TLK1: variants seen among roughly 807,000 people sequenced by gnomAD.
The protein encoded by TLK1 is tousled like kinase 1.
Under a neutral mutation model 105.3 loss-of-function variants are expected in TLK1, and 24 were observed. The ratio of observed to expected loss-of-function variants is 0.23; its 90% CI spans 0.17 to 0.32. The LOEUF is 0.32. Ranked by LOEUF, TLK1 falls within the 10% of genes least tolerant of loss-of-function variation. The pLI is 1.00. For synonymous variants in TLK1, 321 were observed against 310.4 expected (o/e 1.03, Z -0.36); for missense variants, 558 against 910.5 (o/e 0.61, Z 4.98).
chr2:171,148,756 A>G (rs1413464300), intron 1 of TLK1, among the ~76,000 whole-genome samples: 2 of 151,600 alleles, frequency 1.3e-5, no homozygotes, highest in East Asian at 3.9e-4. Flanking sequence ...GGTGATGCAT[A>G]GTAGTCCCAG....
chr2:171,130,498 C>G (rs756670731), intron 1 of TLK1, among the ~76,000 whole-genome samples: 4 of 149,228 alleles, frequency 2.7e-5, no homozygotes, highest in Non-Finnish European at 5.9e-5. Context: ...TGAGATAATA[C>G]ATGTAAGGTT....
intron 11 of TLK1, 27 bp downstream of exon 11, chr2:171,046,147 A>G (rs1265820727): frequency 2.0e-6 from 3 of 1,494,714 alleles, no homozygotes; most frequent in Non-Finnish European, 2.7e-6. Flanking sequence ...CAATTTTAAA[A>G]AAGAAAAATT....
At chr2:171,195,090 A>C (rs935409136) in intron 1 of TLK1, among the ~76,000 whole-genome samples, 1 of 152,178 alleles carries the variant, frequency 6.6e-6, no homozygotes, top group African/African-American at 2.4e-5. Context: ...CTGTCAGTAA[A>C]GATTCAACTA....
Position 170,996,757 on chromosome 2 carries a change from AT to A in TLK1, c.2019del (p.Phe674LeufsTer17). 1 of 1,596,090 alleles carries A rather than the reference AT, an allele frequency of 6.3e-7. No individual in the cohort carries two copies. The highest frequency in any genetic ancestry group is 8.5e-7 in the Non-Finnish European group (1 of 1,173,194). On this transcript the variant is annotated frameshift_variant and splice_region_variant, in exon 20 of 21. Coordinates refer to ENST00000431350, the MANE Select transcript of TLK1 (RefSeq NM_012290.5). LOFTEE classifies it high-confidence loss of function. The part of the protein sequence containing the change: ...IFFQCLYGRK[P>X]FGHNQSQQDI... ...TCTTGTTGAGATTGATTGTGACCAA[AT>A]GGCTTAAAAAAAAAATTAAATGTTG...
intron 1 of TLK1, among the ~76,000 whole-genome samples, chr2:171,190,733 A>C (rs1316302701): frequency 6.6e-6 from 1 of 152,204 alleles, no homozygotes; most frequent in Non-Finnish European, 1.5e-5. Context: ...TAGTTTTAAA[A>C]ATTTAGGAAC....
At chr2:171,139,093 C>T (rs2105572995) in intron 1 of TLK1, among the ~76,000 whole-genome samples, 1 of 152,238 alleles carries the variant, frequency 6.6e-6, no homozygotes, top group Non-Finnish European at 1.5e-5. Flanking sequence ...ACGTGTATCA[C>T]ATTTTTACTT....
chr2:171,205,741 T>C (rs1179846957), intron 1 of TLK1, among the ~76,000 whole-genome samples: 17 of 152,226 alleles, frequency 1.1e-4, no homozygotes. Flanking sequence ...CAGCTGTCCA[T>C]TCTCTTCACT....
intron 1 of TLK1, among the ~76,000 whole-genome samples, chr2:171,177,514 C>T (rs1692852388): frequency 6.6e-6 from 1 of 152,106 alleles, no homozygotes. Flanking sequence ...GAGACCTCGG[C>T]ATACAGAATC....
intron 1 of TLK1, among the ~76,000 whole-genome samples, chr2:171,134,828 G>A (rs1691242666): frequency 6.7e-6 from 1 of 150,174 alleles, no homozygotes; most frequent in African/African-American, 2.5e-5. Flanking sequence ...TGCTTGAGGT[G>A]GAGCTCAAGC....
At chr2:171,131,973 CG>C (rs1558959709) in intron 1 of TLK1, among the ~76,000 whole-genome samples, 1 of 152,158 alleles carries the variant, frequency 6.6e-6, no homozygotes, top group African/African-American at 2.4e-5. Context: ...CACTAGCTGA[CG>C]TACTGCTAAA....
intron 8 of TLK1, 23 bp downstream of exon 8, chr2:171,053,737 TC>T: frequency 6.6e-7 from 1 of 1,509,100 alleles, no homozygotes; most frequent in Non-Finnish European, 9.0e-7. Context: ...TCAATTTTTT[TC>T]CCCTCTATGA....
chr2:171,105,687 GA>G lies in TLK1; in HGVS notation c.258+12051del, dbSNP rs939576869. Among the ~76,000 whole-genome samples the G allele has an allele frequency of 2.4e-3, 351 of 145,630 alleles. 2 individuals carry two copies. The highest frequency in any genetic ancestry group is 7.7e-3 in the African/African-American group (307 of 39,740). ...TGGCGACAGAGCGAGACTCCGTCTCGAAAAAAAAAAGACAAAAAATAACAAA... is the reference window on the plus strand; with the variant it reads ...TGGCGACAGAGCGAGACTCCGTCTCGAAAAAAAAAGACAAAAAATAACAAA... On this transcript the variant is annotated intron_variant, in intron 2 of 20. Transcript: ENST00000431350.
intron 1 of TLK1, among the ~76,000 whole-genome samples, chr2:171,148,064 G>C (rs1691862907): frequency 1.3e-5 from 2 of 151,946 alleles, no homozygotes; most frequent in Non-Finnish European, 2.9e-5. Context: ...CTAATTTTTT[G>C]TATTTTTACT....
intron 11 of TLK1, among the ~76,000 whole-genome samples, chr2:171,029,284 G>A (rs1408779862): frequency 1.3e-5 from 2 of 152,178 alleles, no homozygotes; most frequent in Non-Finnish European, 2.9e-5. Flanking sequence ...CCCTGCTTCA[G>A]TGTGTTGGGA....
chr2:171,013,647 A>G (rs1400880510), intron 13 of TLK1, among the ~76,000 whole-genome samples: 1 of 152,124 alleles, frequency 6.6e-6, no homozygotes, highest in East Asian at 1.9e-4. Flanking sequence ...GTTATTCCAT[A>G]ACTATTTCTT....
intron 18 of TLK1, among the ~76,000 whole-genome samples, chr2:171,005,618 C>T (rs942744792): frequency 5.3e-5 from 8 of 152,098 alleles, no homozygotes; most frequent in African/African-American, 1.9e-4. Flanking sequence ...TACCTGTGGT[C>T]TCAGTTACTC....
intron 3 of TLK1, among the ~76,000 whole-genome samples, chr2:171,068,831 A>T (rs1414778115): frequency 6.6e-6 from 1 of 152,220 alleles, no homozygotes; most frequent in Non-Finnish European, 1.5e-5. Flanking sequence ...AAAACTAATT[A>T]GGTTATAAAA....
intron 1 of TLK1, among the ~76,000 whole-genome samples, chr2:171,130,390 ACTCTATC>A (rs67190013): frequency 0.26 from 39,706 of 151,314 alleles, 5,393 homozygotes; most frequent in Middle Eastern, 0.35. Context: ...CAACAGAGCA[ACTCTATC>A]TCGGGGAAAA....
chr2:171,108,353 A>C (rs576234229), intron 2 of TLK1, among the ~76,000 whole-genome samples: 1 of 152,310 alleles, frequency 6.6e-6, no homozygotes, highest in Non-Finnish European at 1.5e-5. Flanking sequence ...CTCATATACT[A>C]TACACTACAC....
Sources: allele counts gnomAD v4.1 joint callset (sites outside exome capture counted in the v4.1 genomes callset), GRCh38; gene constraint gnomAD v4.1.1; transcripts MANE v1.5; gene names NCBI Gene and HGNC (gene_info 2026-07-23, HGNC 2026-07-21).